Variants in FAM162A observed in about 807,000 individuals in gnomAD.
FAM162A encodes protein FAM162A.
A neutral mutation model predicts 21.8 loss-of-function variants in FAM162A; 23 were observed. The ratio of observed to expected loss-of-function variants is 1.05; its 90% CI spans 0.76 to 1.49. The LOEUF (loss-of-function observed/expected upper bound fraction) is 1.49, where lower values mean the gene tolerates loss of function less well. Ranked by LOEUF, FAM162A falls within the 40% of genes most tolerant of loss-of-function variation. FAM162A has a pLI of 0.00. For synonymous variants in FAM162A, 53 were observed against 61.3 expected (o/e 0.86, Z 0.64); for missense variants, 165 against 186.4 (o/e 0.89, Z 0.67).
At chr3:122,402,475 A>G (rs1401271098) in intron 1 of FAM162A, among the ~76,000 whole-genome samples, 1 of 152,152 alleles carries the variant, frequency 6.6e-6, no homozygotes, top group Non-Finnish European at 1.5e-5. Flanking sequence ...CACCAGAGCC[A>G]TTGTTATGAT....
At position 122,410,145 on chromosome 3, in the gene FAM162A, C is replaced by G. The variant is rs1347297905; in HGVS notation, c.*314C>G. On this transcript the variant is annotated 3_prime_UTR_variant, in exon 5 of 5. Transcript: ENST00000477892. ...CTTCTCTTCCCATTATCAAAGTAAC[C>G]TCTCCACAGGCGAACTCATTTTGAG... is the stretch of plus-strand genomic sequence containing the variant. 3.5e-5 allele frequency: 13 copies of G among 371,540 alleles called. No individual in the cohort carries two copies. The highest frequency in any genetic ancestry group is 6.2e-5 in the Non-Finnish European group (12 of 193,346). The allele number at this position is 371,540 out of a possible 1,614,324, so 23.0% of individuals were successfully genotyped here. A position where few individuals can be genotyped will look rare whatever the true frequency, so the allele number is the denominator to read the frequency against.
chr3:122,393,898 G>A (rs2075615521), intron 1 of FAM162A, among the ~76,000 whole-genome samples: 1 of 152,180 alleles, frequency 6.6e-6, no homozygotes, highest in Non-Finnish European at 1.5e-5. Context: ...TGGAAGGTGT[G>A]TTAGGCCAGT....
intron 1 of FAM162A, among the ~76,000 whole-genome samples, chr3:122,395,078 A>G (rs778811803): frequency 8.5e-5 from 13 of 152,234 alleles, no homozygotes; most frequent in African/African-American, 1.7e-4. Context: ...CCTCTTCATT[A>G]TAAAAACACT....
intron 1 of FAM162A, among the ~76,000 whole-genome samples, chr3:122,392,602 G>A (rs919305718): frequency 6.6e-6 from 1 of 152,170 alleles, no homozygotes; most frequent in African/African-American, 2.4e-5. Flanking sequence ...CGAATTCCCA[G>A]CCTCCATTCC....
chr3:122,397,693 G>T (rs1430999280), intron 1 of FAM162A, among the ~76,000 whole-genome samples: 1 of 152,098 alleles, frequency 6.6e-6, no homozygotes, highest in African/African-American at 2.4e-5. Context: ...ACTATTTCTG[G>T]TTGTCTCTGC....
chr3:122,404,398 A>G, intron 3 of FAM162A, 35 bp downstream of exon 3: 1 of 1,167,254 alleles, frequency 8.6e-7, no homozygotes, highest in Non-Finnish European at 1.3e-6. Flanking sequence ...AGCAGCTTTC[A>G]TTTCTCACTG....
intron 1 of FAM162A, among the ~76,000 whole-genome samples, chr3:122,396,829 A>ATGAACCT (rs1311578080): frequency 6.6e-6 from 1 of 152,234 alleles, no homozygotes; most frequent in East Asian, 1.9e-4. Context: ...TACAACATGG[A>ATGAACCT]TGAACCTTGA....
intron 1 of FAM162A, among the ~76,000 whole-genome samples, chr3:122,390,597 C>T (rs186155162): frequency 2.0e-5 from 3 of 152,158 alleles, no homozygotes; most frequent in African/African-American, 7.2e-5. Context: ...CTTCAACCAG[C>T]CTCACCCTGG....
intron 1 of FAM162A, among the ~76,000 whole-genome samples, chr3:122,384,680 C>T (rs980400097): frequency 1.3e-5 from 2 of 152,134 alleles, no homozygotes; most frequent in Non-Finnish European, 1.5e-5. Flanking sequence ...CTATTGCTCT[C>T]CTTGAGTCTT....
intron 4 of FAM162A, 73 bp downstream of exon 4, chr3:122,407,462 C>A: frequency 8.4e-7 from 1 of 1,188,576 alleles, no homozygotes; most frequent in Non-Finnish European, 1.2e-6. Flanking sequence ...AGGGATTGAC[C>A]CTTGTATTTA....
chr3:122,406,221 A>C (rs993720948), intron 3 of FAM162A, among the ~76,000 whole-genome samples: 2 of 152,184 alleles, frequency 1.3e-5, no homozygotes, highest in African/African-American at 4.8e-5. Flanking sequence ...CCTGGGCCCC[A>C]TAAGGGCTCC....
chr3:122,390,770 G>A (rs375684456), intron 1 of FAM162A, among the ~76,000 whole-genome samples: 4 of 152,278 alleles, frequency 2.6e-5, no homozygotes, highest in South Asian at 2.1e-4. Flanking sequence ...CCAGTAATCT[G>A]TTTCACAGGG....
intron 1 of FAM162A, among the ~76,000 whole-genome samples, chr3:122,393,968 T>C (rs931951927): frequency 2.6e-5 from 4 of 152,172 alleles, no homozygotes; most frequent in Non-Finnish European, 4.4e-5. Context: ...AGCAGTTTAA[T>C]TGGTTCATCG....
intron 1 of FAM162A, among the ~76,000 whole-genome samples, chr3:122,385,679 A>G (rs536047169): frequency 3.3e-5 from 5 of 152,330 alleles, no homozygotes; most frequent in African/African-American, 9.6e-5. Context: ...AAACTTCACT[A>G]TTGACCACTT....
At chr3:122,397,654 T>C (rs573666255) in intron 1 of FAM162A, among the ~76,000 whole-genome samples, 4 of 152,322 alleles carry the variant, frequency 2.6e-5, no homozygotes, top group African/African-American at 7.2e-5. Flanking sequence ...AAGATCAGAA[T>C]TACTCTCCTT....
intron 3 of FAM162A, among the ~76,000 whole-genome samples, chr3:122,405,090 G>A (rs1407226951): frequency 6.6e-6 from 1 of 152,222 alleles, no homozygotes; most frequent in Non-Finnish European, 1.5e-5. Context: ...ATCTCCCCTG[G>A]TTGAGAACCA....
chr3:122,408,639 T>C (rs1466298304), intron 4 of FAM162A, among the ~76,000 whole-genome samples: 1 of 152,196 alleles, frequency 6.6e-6, no homozygotes, highest in Non-Finnish European at 1.5e-5. Flanking sequence ...TTTTTTCTTG[T>C]CTCCCTCTTT....
chr3:122,401,465 G>A, intron 1 of FAM162A: 20 of 1,206,246 alleles, frequency 1.7e-5, no homozygotes, highest in Non-Finnish European at 2.1e-5. Flanking sequence ...GAGCACGTGG[G>A]AAAAGAAGGG....
At chr3:122,401,879 G>A (rs2075655185) in intron 1 of FAM162A, among the ~76,000 whole-genome samples, 2 of 152,098 alleles carry the variant, frequency 1.3e-5, no homozygotes, top group African/African-American at 4.8e-5. Context: ...TTTGTCAGAT[G>A]CATAGTTTGC....
Sources: allele counts gnomAD v4.1 joint callset (sites outside exome capture counted in the v4.1 genomes callset), GRCh38; gene constraint gnomAD v4.1.1; transcripts MANE v1.5; gene names NCBI Gene and HGNC (gene_info 2026-07-23, HGNC 2026-07-21).